Variants in GPC6 observed in about 807,000 individuals in gnomAD.
The protein encoded by GPC6 is glypican 6, also known as glypican-6.
A neutral mutation model predicts 55.2 loss-of-function variants in GPC6; 14 were observed. That is an observed-to-expected ratio of 0.25 (90% CI 0.17 to 0.40). The LOEUF is 0.40. GPC6 is among the 10% of genes least tolerant of loss of function. The pLI is 1.00. For synonymous variants in GPC6, 278 were observed against 259.6 expected, an observed-to-expected ratio of 1.07 and a Z score of -0.68; for missense variants, 641 against 708.5, an observed-to-expected ratio of 0.90 and a Z score of 1.08.
intron 3 of GPC6, chr13:94,025,624 C>G (rs896149970): frequency 7.9e-5 from 12 of 152,126 alleles, no homozygotes; most frequent in Admixed American, 6.5e-4. Flanking sequence ...TACAAAATAG[C>G]CTGTCTGGAG....
chr13:94,089,946 C>T (rs1478035447), intron 4 of GPC6, among the ~76,000 whole-genome samples: 1 of 152,030 alleles, frequency 6.6e-6, no homozygotes, highest in African/African-American at 2.4e-5. Context: ...CACCCATAAC[C>T]ATATAGCCAA....
intron 4 of GPC6, chr13:94,187,396 A>G (rs1056059659): frequency 2.6e-5 from 4 of 152,230 alleles, no homozygotes; most frequent in Non-Finnish European, 5.9e-5. Flanking sequence ...AAGCAGAACG[A>G]TGAGTCAGAA....
intron 1 of GPC6, among the ~76,000 whole-genome samples, chr13:93,353,854 G>A (rs145070252): frequency 2.0e-5 from 3 of 152,114 alleles, no homozygotes; most frequent in African/African-American, 7.2e-5. Flanking sequence ...CACTTTCCCT[G>A]CTGTACTTTC....
At chr13:93,573,769 A>C (rs1876525276) in intron 2 of GPC6, among the ~76,000 whole-genome samples, 1 of 152,186 alleles carries the variant, frequency 6.6e-6, no homozygotes, top group African/African-American at 2.4e-5. Context: ...CAACACACCC[A>C]CATATACCAA....
At chr13:93,924,349 T>G (rs756681435) in intron 3 of GPC6, among the ~76,000 whole-genome samples, 1 of 152,232 alleles carries the variant, frequency 6.6e-6, no homozygotes, top group African/African-American at 2.4e-5. Context: ...ACACGCAGCC[T>G]GCACAGAGCT....
At chr13:93,285,844 T>C (rs1368826457) in intron 1 of GPC6, among the ~76,000 whole-genome samples, 1 of 152,124 alleles carries the variant, frequency 6.6e-6, no homozygotes, top group Admixed American at 6.6e-5. Context: ...GATATTCTTA[T>C]ATAGAAGTTG....
At chr13:93,243,074 C>T (rs1473355305) in intron 1 of GPC6, among the ~76,000 whole-genome samples, 2 of 152,164 alleles carry the variant, frequency 1.3e-5, no homozygotes, top group Admixed American at 6.5e-5. Flanking sequence ...CTCGAGAAGT[C>T]CCCAGATCGC....
chr13:93,615,967 T>C lies in GPC6; in HGVS notation c.319+70546T>C, dbSNP rs186749488. Reference sequence around the variant, plus strand: ...ACAAGAATTACAAATTGGGAGGCAGTGAAATCCTGATTTCTTCATTTGTAT... The same window carrying C: ...ACAAGAATTACAAATTGGGAGGCAGCGAAATCCTGATTTCTTCATTTGTAT... On this transcript the variant is annotated intron_variant, in intron 2 of 8. Coordinates refer to ENST00000377047, the MANE Select transcript of GPC6 (RefSeq NM_005708.5). Among the ~76,000 whole-genome samples, 845 of 152,284 alleles carry C rather than the reference T, an allele frequency of 5.5e-3. 2 individuals are homozygous for C. The highest frequency in any genetic ancestry group is 9.0e-3 in the Non-Finnish European group (609 of 67,982).
At chr13:94,337,422 T>G (rs544751787) in intron 6 of GPC6, among the ~76,000 whole-genome samples, 3 of 151,956 alleles carry the variant, frequency 2.0e-5, no homozygotes, top group Admixed American at 2.0e-4. Context: ...GATAGTACAT[T>G]TAATTCATGA....
intron 3 of GPC6, among the ~76,000 whole-genome samples, chr13:93,952,756 A>G (rs535993504): frequency 6.7e-6 from 1 of 149,324 alleles, no homozygotes; most frequent in Admixed American, 6.7e-5. Flanking sequence ...TGTGCGTGTG[A>G]CGTGTGTGTG....
intron 2 of GPC6, among the ~76,000 whole-genome samples, chr13:93,607,334 CT>C (rs1878276375): frequency 6.6e-6 from 1 of 152,210 alleles, no homozygotes; most frequent in Non-Finnish European, 1.5e-5. Flanking sequence ...CATATGCCAG[CT>C]GCTTACTGAA....
intron 2 of GPC6, among the ~76,000 whole-genome samples, chr13:93,622,992 T>C (rs898293797): frequency 1.3e-5 from 2 of 152,218 alleles, no homozygotes; most frequent in African/African-American, 4.8e-5. Flanking sequence ...ATTCTGCAAA[T>C]GAGTGACATC....
intron 3 of GPC6, among the ~76,000 whole-genome samples, chr13:93,962,176 G>A (rs370241667): frequency 6.6e-5 from 10 of 152,250 alleles, no homozygotes; most frequent in African/African-American, 2.4e-4. Context: ...CCACAACATG[G>A]TTGTAAATTC....
intron 1 of GPC6, among the ~76,000 whole-genome samples, chr13:93,404,792 A>G (rs1876223833): frequency 1.3e-5 from 2 of 151,890 alleles, no homozygotes; most frequent in Admixed American, 1.3e-4. Flanking sequence ...GTAGATTTCT[A>G]TCAATCTGAT....
upstream of GPC6, among the ~76,000 whole-genome samples, chr13:93,225,517 TTTTTTG>T (rs1875748144): frequency 6.8e-6 from 1 of 146,492 alleles, no homozygotes; most frequent in South Asian, 2.2e-4. Flanking sequence ...TGTTTTTTTT[TTTTTTG>T]GTTTTGTTTT....
rs113591716 is a variant in GPC6 at position 94,027,833 on chromosome 13, C to T, written c.816C>T (p.Asn272=). ...GGCCCTGCAACAACTACTGTCTCAA[C>T]GTCATGAAGGGCTGCTTGGCAAATC... The part of the protein sequence containing the change: ...TVRPCNNYCL[N]VMKGCLANQA... Residue 272 remains asparagine (N), a synonymous_variant, in exon 4 of 9, where the codon AAC becomes AAT. Transcript: ENST00000377047. 2.3e-5 allele frequency: 37 copies of T among 1,614,014 alleles called. No individual in the cohort carries two copies. The highest frequency in any genetic ancestry group is 2.3e-4 in the African/African-American group (17 of 75,016).
chr13:93,479,663 A>G (rs146553368), intron 1 of GPC6, among the ~76,000 whole-genome samples: 3 of 151,584 alleles, frequency 2.0e-5, no homozygotes, highest in African/African-American at 7.3e-5. Flanking sequence ...GTGGTATGCT[A>G]TCAAAAGTTA....
At chr13:93,874,674 C>G (rs966566203) in intron 3 of GPC6, among the ~76,000 whole-genome samples, 1 of 150,948 alleles carries the variant, frequency 6.6e-6, no homozygotes, top group African/African-American at 2.4e-5. Flanking sequence ...TAGATAGACT[C>G]TGATTCTGTA....
chr13:94,391,829 CATT>C (rs1338642953), intron 7 of GPC6, among the ~76,000 whole-genome samples: 1 of 152,176 alleles, frequency 6.6e-6, no homozygotes, highest in African/African-American at 2.4e-5. Context: ...TGCTGACCAC[CATT>C]CTATTTTCTG....
Sources: gnomAD v4.1 joint callset for allele counts (sites outside exome capture counted in the v4.1 genomes callset) on GRCh38, gnomAD v4.1.1 for gene constraint, MANE v1.5 for transcripts, NCBI Gene and HGNC (gene_info 2026-07-23, HGNC 2026-07-21) for gene names.